SPATS2: variants seen among roughly 807,000 people sequenced by gnomAD.
The protein encoded by SPATS2 is spermatogenesis-associated serine-rich protein 2.
In SPATS2, 38 loss-of-function variants were observed where a neutral mutation model predicts 63.7. That is an observed-to-expected ratio of 0.60 (90% CI 0.46 to 0.78). The LOEUF is 0.78. SPATS2 is among the 30% of genes least tolerant of loss of function. The pLI is 0.00. For missense variants in SPATS2, 588 were observed against 666.2 expected, an observed-to-expected ratio of 0.88 and a Z score of 1.29; for synonymous variants, 207 against 232.9, an observed-to-expected ratio of 0.89 and a Z score of 1.01.
chr12:49,424,539 A>G (rs756608397), intron 2 of SPATS2, among the ~76,000 whole-genome samples: 3 of 152,194 alleles, frequency 2.0e-5, no homozygotes, highest in Non-Finnish European at 4.4e-5. Flanking sequence ...TAGTTTGCCA[A>G]AAGTTATTAG....
At chr12:49,409,052 T>C (rs1232738823) in intron 2 of SPATS2, among the ~76,000 whole-genome samples, 2 of 152,168 alleles carry the variant, frequency 1.3e-5, no homozygotes, top group Non-Finnish European at 2.9e-5. Context: ...ATAGTACATT[T>C]GACATTTGAA....
At chr12:49,494,626 A>G in intron 6 of SPATS2, 115 bp from the exon 7 acceptor site, 1 of 1,029,118 alleles carries the variant, frequency 9.7e-7, no homozygotes, top group Non-Finnish European at 1.4e-6. Context: ...TTCTGAAAGA[A>G]CATACAAGAA....
intron 12 of SPATS2, among the ~76,000 whole-genome samples, chr12:49,523,325 GA>G (rs1227577450): frequency 2.2e-5 from 3 of 135,000 alleles, no homozygotes; most frequent in African/African-American, 8.1e-5. Flanking sequence ...AAATTCAAAA[GA>G]AAAAATTAGC....
At chr12:49,478,737 T>C (rs1012038882) in intron 3 of SPATS2, among the ~76,000 whole-genome samples, 2 of 152,206 alleles carry the variant, frequency 1.3e-5, no homozygotes, top group Non-Finnish European at 2.9e-5. Context: ...TTACCTCTTC[T>C]GGTCTTTCTT....
chr12:49,411,835 A>G (rs983700657), intron 2 of SPATS2, among the ~76,000 whole-genome samples: 1 of 152,160 alleles, frequency 6.6e-6, no homozygotes, highest in Non-Finnish European at 1.5e-5. Context: ...ACCTTCTGCC[A>G]TTCTGCTGGG....
At chr12:49,410,251 T>C (rs1045034410) in intron 2 of SPATS2, among the ~76,000 whole-genome samples, 1 of 151,986 alleles carries the variant, frequency 6.6e-6, no homozygotes, top group Non-Finnish European at 1.5e-5. Flanking sequence ...AATTTTTGTA[T>C]TTTTAGTAGA....
intron 2 of SPATS2, among the ~76,000 whole-genome samples, chr12:49,402,154 A>G (rs1178463885): frequency 6.6e-6 from 1 of 152,106 alleles, no homozygotes; most frequent in Non-Finnish European, 1.5e-5. Flanking sequence ...TAGTTTTCTA[A>G]TTTCCAGTTG....
At chr12:49,413,244 C>A (rs1490826405) in intron 2 of SPATS2, among the ~76,000 whole-genome samples, 1 of 152,064 alleles carries the variant, frequency 6.6e-6, no homozygotes, top group Non-Finnish European at 1.5e-5. Flanking sequence ...TCTGTACTTA[C>A]ATATCTGACA....
intron 9 of SPATS2, among the ~76,000 whole-genome samples, chr12:49,505,389 A>G (rs576060200): frequency 6.6e-5 from 10 of 152,328 alleles, no homozygotes; most frequent in Middle Eastern, 3.4e-3. Flanking sequence ...AACTCTAACC[A>G]TCTGTGAAAA....
intron 3 of SPATS2, among the ~76,000 whole-genome samples, chr12:49,464,266 G>C (rs1945870492): frequency 6.6e-6 from 1 of 152,050 alleles, no homozygotes; most frequent in African/African-American, 2.4e-5. Flanking sequence ...CACTTAGGGA[G>C]GCTGAGGCAG....
chr12:49,407,143 A>G (rs1179800046), intron 2 of SPATS2, among the ~76,000 whole-genome samples: 1 of 152,166 alleles, frequency 6.6e-6, no homozygotes, highest in Non-Finnish European at 1.5e-5. Context: ...TTGAGAATAC[A>G]TACTGAATCT....
intron 4 of SPATS2, among the ~76,000 whole-genome samples, chr12:49,485,715 A>G: frequency 6.6e-6 from 1 of 151,676 alleles, no homozygotes; most frequent in East Asian, 1.9e-4. Context: ...TGAAACCGTC[A>G]ACGAGCTGTA....
chr12:49,511,489 C>T (rs987585429), intron 9 of SPATS2, among the ~76,000 whole-genome samples: 4 of 151,930 alleles, frequency 2.6e-5, no homozygotes, highest in African/African-American at 9.7e-5. Context: ...ATGCTTGGTG[C>T]TTATTATGGC....
chr12:49,525,816 G>T, intron 13 of SPATS2, 128 bp from the exon 14 acceptor site: 1 of 1,016,170 alleles, frequency 9.8e-7, no homozygotes. Flanking sequence ...AATTCTTTGA[G>T]TCTTGAGAGA....
intron 9 of SPATS2, among the ~76,000 whole-genome samples, chr12:49,513,883 G>A (rs920593202): frequency 1.3e-5 from 2 of 152,126 alleles, no homozygotes; most frequent in African/African-American, 2.4e-5. Flanking sequence ...CAGGCCGGGC[G>A]CGGTGGCTCA....
At chr12:49,380,888 T>A (rs1300864745) in intron 2 of SPATS2, among the ~76,000 whole-genome samples, 1 of 151,814 alleles carries the variant, frequency 6.6e-6, no homozygotes, top group Non-Finnish European at 1.5e-5. Context: ...ATTCTTTTTT[T>A]TTTTTTTTCC....
chr12:49,483,779 C>T (rs867635822), intron 3 of SPATS2, among the ~76,000 whole-genome samples: 10 of 152,238 alleles, frequency 6.6e-5, no homozygotes, highest in Middle Eastern at 3.4e-3. Flanking sequence ...TTGTTATCAC[C>T]TGGGAGTAAA....
intron 3 of SPATS2, among the ~76,000 whole-genome samples, chr12:49,464,890 C>T (rs1406275543): frequency 6.6e-6 from 1 of 152,138 alleles, no homozygotes; most frequent in Non-Finnish European, 1.5e-5. Flanking sequence ...TGATCAATTC[C>T]TGCTCCCTAC....
intron 2 of SPATS2, among the ~76,000 whole-genome samples, chr12:49,426,821 G>C (rs1431480524): frequency 6.6e-6 from 1 of 152,182 alleles, no homozygotes; most frequent in African/African-American, 2.4e-5. Context: ...GGGATTACAG[G>C]CGTGAGCCAC....
Sources: allele counts gnomAD v4.1 joint callset (sites outside exome capture counted in the v4.1 genomes callset), GRCh38; gene constraint gnomAD v4.1.1; transcripts MANE v1.5; gene names NCBI Gene and HGNC (gene_info 2026-07-23, HGNC 2026-07-21).